The following PTPRN2 variants were observed in gnomAD, a reference collection of about 807,000 sequenced individuals.
PTPRN2 encodes receptor-type tyrosine-protein phosphatase N2.
A neutral mutation model predicts 118.8 loss-of-function variants in PTPRN2; 74 were observed. That is an observed-to-expected ratio of 0.62 (90% CI 0.52 to 0.76). The LOEUF is 0.76. Ranked by LOEUF, PTPRN2 falls within the 30% of genes least tolerant of loss-of-function variation. The probability of loss-of-function intolerance (pLI) is 0.00; values close to 1 mark genes in which losing one functional copy is unlikely to be tolerated. For missense variants in PTPRN2, 1,481 were observed against 1,394.4 expected (o/e 1.06, Z -0.99); for synonymous variants, 641 against 608.0 (o/e 1.05, Z -0.80).
chr7:158,518,320 GAGA>G (rs1170029685), intron 1 of PTPRN2, among the ~76,000 whole-genome samples: 3 of 152,092 alleles, frequency 2.0e-5, no homozygotes, highest in East Asian at 1.9e-4. Context: ...CACGGGGTGG[GAGA>G]AGGATATGAA....
intron 13 of PTPRN2, among the ~76,000 whole-genome samples, chr7:157,681,741 C>T (rs900199873): frequency 2.0e-5 from 3 of 152,106 alleles, no homozygotes; most frequent in African/African-American, 7.2e-5. Context: ...AGCTTGAGAG[C>T]CCACCCATGT....
At chr7:158,460,302 C>T (rs1586727387) in intron 2 of PTPRN2, among the ~76,000 whole-genome samples, 1 of 148,808 alleles carries the variant, frequency 6.7e-6, no homozygotes, top group Middle Eastern at 3.5e-3. Context: ...TCTACAAGTT[C>T]CTGCTACAGG....
chr7:158,068,361 C>A (rs1445472721), intron 11 of PTPRN2, among the ~76,000 whole-genome samples: 1 of 152,216 alleles, frequency 6.6e-6, no homozygotes, highest in Non-Finnish European at 1.5e-5. Flanking sequence ...CAGGCCACAG[C>A]TCCCACGCCA....
intron 11 of PTPRN2, among the ~76,000 whole-genome samples, chr7:158,049,472 G>C (rs1490252884): frequency 6.6e-6 from 1 of 152,158 alleles, no homozygotes. Context: ...GCATCCACAG[G>C]CCTGAAGCCA....
At chr7:158,533,395 A>G (rs4909239) in intron 1 of PTPRN2, among the ~76,000 whole-genome samples, 71,588 of 152,090 alleles carry the variant, frequency 0.47, 17,187 homozygotes, top group East Asian at 0.68. Flanking sequence ...GACCCTCCGC[A>G]TCTGGCTGCA....
chr7:157,552,191 C>T (rs1404351069), intron 21 of PTPRN2, among the ~76,000 whole-genome samples: 1 of 152,176 alleles, frequency 6.6e-6, no homozygotes, highest in Non-Finnish European at 1.5e-5. Context: ...GCTTGATTGG[C>T]TCTTTAGAAA....
chr7:157,822,507 T>C (rs1806911093), intron 12 of PTPRN2, among the ~76,000 whole-genome samples: 1 of 151,888 alleles, frequency 6.6e-6, no homozygotes, highest in Non-Finnish European at 1.5e-5. Flanking sequence ...TCCACCTATA[T>C]ATTAGCCATT....
intron 2 of PTPRN2, among the ~76,000 whole-genome samples, chr7:158,365,242 C>T (rs564708066): frequency 1.3e-5 from 2 of 152,328 alleles, no homozygotes; most frequent in African/African-American, 4.8e-5. Context: ...GTCTCCATCG[C>T]GTTGGACGGT....
chr7:158,326,787 GCA>G (rs1423826571), intron 2 of PTPRN2, among the ~76,000 whole-genome samples: 4 of 133,390 alleles, frequency 3.0e-5, no homozygotes, highest in Admixed American at 8.0e-5. Context: ...ACACTCACAT[GCA>G]CACACATGCA....
At chr7:158,070,550 G>A (rs865984726) in intron 11 of PTPRN2, among the ~76,000 whole-genome samples, 1 of 127,468 alleles carries the variant, frequency 7.8e-6, no homozygotes, top group South Asian at 2.8e-4. Flanking sequence ...GGTGGTGGAG[G>A]TGCCCATGGT....
In PTPRN2 at chr7:157,540,688, T is replaced by C; in HGVS notation, c.*26A>G. On this transcript the variant is annotated 3_prime_UTR_variant, in exon 23 of 23. Transcript: ENST00000389418. ...CTGACAACATCCGTGGGGTGGGGGC[T>C]CCCCTGAGGCCCCTGAGGCTGCCGC... 1 of 1,508,888 alleles carries C rather than the reference T, an allele frequency of 6.6e-7. No individual in the cohort carries two copies. The highest frequency in any genetic ancestry group is 9.0e-7 in the Non-Finnish European group (1 of 1,108,726). The allele number at this position is 1,508,888 out of a possible 1,614,324, so 93.5% of individuals were successfully genotyped here.
intron 11 of PTPRN2, among the ~76,000 whole-genome samples, chr7:158,071,649 GTGA>G (rs774125263): frequency 1.1e-3 from 128 of 120,380 alleles, no homozygotes; most frequent in Non-Finnish European, 1.6e-3. Context: ...GATGCTCGTG[GTGA>G]TGGAGGTGCT....
At chr7:158,100,527 A>G (rs540816492) in intron 10 of PTPRN2, among the ~76,000 whole-genome samples, 1 of 152,248 alleles carries the variant, frequency 6.6e-6, no homozygotes, top group South Asian at 2.1e-4. Context: ...AGCAGTGTAG[A>G]AGTGTTCCCT....
At chr7:157,955,767 C>A (rs1279816079) in intron 11 of PTPRN2, among the ~76,000 whole-genome samples, 1 of 152,226 alleles carries the variant, frequency 6.6e-6, no homozygotes, top group African/African-American at 2.4e-5. Context: ...TTTGCCTGGG[C>A]TCTGCATTCC....
At chr7:157,713,605 C>T (rs1407851826) in intron 12 of PTPRN2, among the ~76,000 whole-genome samples, 1 of 152,182 alleles carries the variant, frequency 6.6e-6, no homozygotes, top group Non-Finnish European at 1.5e-5. Context: ...GTCACTGATA[C>T]GGCCTAGGAT....
chr7:157,718,583 GTCTCA>G (rs1017222389), intron 12 of PTPRN2, among the ~76,000 whole-genome samples: 1 of 151,368 alleles, frequency 6.6e-6, no homozygotes, highest in African/African-American at 2.4e-5. Context: ...CCTGTGGTGA[GTCTCA>G]GCATGTCCAG....
At chr7:158,031,017 T>G (rs1035029409) in intron 11 of PTPRN2, 6 of 152,330 alleles carry the variant, frequency 3.9e-5, no homozygotes, top group African/African-American at 1.4e-4. Context: ...GGCATCACGT[T>G]GAATAATATC....
chr7:157,725,081 A>C (rs1799451561), intron 12 of PTPRN2, among the ~76,000 whole-genome samples: 1 of 152,274 alleles, frequency 6.6e-6, no homozygotes, highest in Non-Finnish European at 1.5e-5. Context: ...ACTGACTTTT[A>C]AAAAACCTGT....
intron 14 of PTPRN2, among the ~76,000 whole-genome samples, chr7:157,635,330 A>G (rs1269090214): frequency 6.6e-6 from 1 of 152,252 alleles, no homozygotes; most frequent in Non-Finnish European, 1.5e-5. Context: ...CCAGTTTCTG[A>G]TCAAAGGCCT....
Sources: allele counts gnomAD v4.1 joint callset (sites outside exome capture counted in the v4.1 genomes callset), GRCh38; gene constraint gnomAD v4.1.1; transcripts MANE v1.5; gene names NCBI Gene and HGNC (gene_info 2026-07-23, HGNC 2026-07-21).